The following MRPS28 variants were observed in gnomAD, a reference collection of about 807,000 sequenced individuals.
MRPS28 encodes the protein mitochondrial ribosomal protein S28.
A neutral mutation model predicts 10.8 loss-of-function variants in MRPS28; 7 were observed. The observed-to-expected ratio is 0.65, with a 90% CI of 0.37 to 1.22. MRPS28 has a LOEUF of 1.22. MRPS28 is among the 50% of genes most tolerant of loss of function. MRPS28 has a pLI of 0.02. For missense variants in MRPS28, 265 were observed against 232.9 expected (o/e 1.14, Z -0.90); for synonymous variants, 121 against 93.3 (o/e 1.30, Z -1.71).
At chr8:79,925,327 C>T (rs936262804) in intron 2 of MRPS28, among the ~76,000 whole-genome samples, 1 of 151,920 alleles carries the variant, frequency 6.6e-6, no homozygotes, top group Non-Finnish European at 1.5e-5. Flanking sequence ...ATAACTGGCC[C>T]GTTGGAAATC....
At chr8:79,941,556 A>T (rs1204787043) in intron 2 of MRPS28, among the ~76,000 whole-genome samples, 1 of 152,204 alleles carries the variant, frequency 6.6e-6, no homozygotes, top group Non-Finnish European at 1.5e-5. Context: ...GGTCTCTGAG[A>T]AGTCACATAG....
At chr8:79,938,310 A>T (rs1806663483) in intron 2 of MRPS28, among the ~76,000 whole-genome samples, 1 of 152,050 alleles carries the variant, frequency 6.6e-6, no homozygotes, top group African/African-American at 2.4e-5. Flanking sequence ...CACACAAACA[A>T]CTTTAGAAGA....
intron 2 of MRPS28, among the ~76,000 whole-genome samples, chr8:79,994,382 A>C (rs1489311866): frequency 6.6e-6 from 1 of 152,122 alleles, no homozygotes; most frequent in East Asian, 1.9e-4. Context: ...GGGCATTTTA[A>C]TTTTTGTTTT....
intron 2 of MRPS28, among the ~76,000 whole-genome samples, chr8:79,962,070 AT>A (rs1586061443): frequency 1.3e-5 from 2 of 152,154 alleles, no homozygotes; most frequent in Non-Finnish European, 2.9e-5. Context: ...TTAATACTTA[AT>A]TTTTTATCTT....
chr8:79,972,243 G>C (rs1807653284), intron 2 of MRPS28, among the ~76,000 whole-genome samples: 1 of 152,168 alleles, frequency 6.6e-6, no homozygotes, highest in Admixed American at 6.5e-5. Flanking sequence ...GTATACAGGA[G>C]AATGTGTGTA....
intron 2 of MRPS28, among the ~76,000 whole-genome samples, chr8:79,929,023 G>A (rs1166729300): frequency 6.6e-6 from 1 of 152,120 alleles, no homozygotes; most frequent in Non-Finnish European, 1.5e-5. Flanking sequence ...TCCAGCCTGA[G>A]TAACAAAGCG....
chr8:79,958,288 A>G (rs1807280913), intron 2 of MRPS28: 6 of 657,672 alleles, frequency 9.1e-6, no homozygotes, highest in Non-Finnish European at 1.6e-5. Flanking sequence ...GGCTTCTTTC[A>G]TTTGGCATAA....
rs75373972 is a variant in MRPS28, at chr8:79,945,472, A to G, written c.396-26324T>C. Among the ~76,000 whole-genome samples the G allele has an allele frequency of 1.4e-3, 220 of 152,326 alleles. 3 individuals carry two copies. Among genetic ancestry groups the G allele is most frequent in the African/African-American group, 5.0e-3 (207 of 41,578 alleles). On this transcript the variant is annotated intron_variant, in intron 2 of 2. Coordinates refer to ENST00000276585, the MANE Select transcript of MRPS28 (RefSeq NM_014018.3). ...CTGGCTTTACATCCAGAAGAAAGAG[A>G]TTAGACCCCCATAGCAAACCAAACG...
chr8:79,946,190 T>C (rs1806912185), intron 2 of MRPS28, among the ~76,000 whole-genome samples: 1 of 152,124 alleles, frequency 6.6e-6, no homozygotes, highest in South Asian at 2.1e-4. Flanking sequence ...ATCCCCAATG[T>C]CACTGCCCAA....
intron 2 of MRPS28, among the ~76,000 whole-genome samples, chr8:79,978,487 C>T (rs1026853960): frequency 1.3e-5 from 2 of 152,150 alleles, no homozygotes; most frequent in Non-Finnish European, 2.9e-5. Flanking sequence ...CTACTGTGTA[C>T]TAGCTCACGA....
intron 1 of MRPS28, among the ~76,000 whole-genome samples, chr8:80,004,376 G>C (rs1473191591): frequency 3.3e-5 from 5 of 152,184 alleles, no homozygotes; most frequent in East Asian, 1.9e-4. Flanking sequence ...AGGCAAACAG[G>C]GTCTGGAGTG....
intron 2 of MRPS28, among the ~76,000 whole-genome samples, chr8:79,928,200 G>A (rs1806351645): frequency 6.6e-6 from 1 of 151,746 alleles, no homozygotes; most frequent in African/African-American, 2.4e-5. Flanking sequence ...GTGTGGTGGT[G>A]AGTGCCTGTA....
chr8:80,018,957 T>A (rs1457660194), intron 1 of MRPS28, among the ~76,000 whole-genome samples: 2 of 152,120 alleles, frequency 1.3e-5, no homozygotes. Context: ...ATTGAACTCA[T>A]GGAGACAGAG....
chr8:79,983,538 C>A (rs140164066), intron 2 of MRPS28, among the ~76,000 whole-genome samples: 9,022 of 152,104 alleles, frequency 0.059, 732 homozygotes, highest in African/African-American at 0.18. Context: ...AAAATTTAGA[C>A]GAATGTATAA....
At chr8:79,979,298 C>T (rs1807887124) in intron 2 of MRPS28, among the ~76,000 whole-genome samples, 1 of 152,094 alleles carries the variant, frequency 6.6e-6, no homozygotes, top group Non-Finnish European at 1.5e-5. Context: ...GCAGAACCCA[C>T]TGGCTAGGTG....
intron 1 of MRPS28, among the ~76,000 whole-genome samples, chr8:80,003,521 C>T (rs1808724843): frequency 1.3e-5 from 2 of 152,108 alleles, no homozygotes; most frequent in African/African-American, 4.8e-5. Context: ...ATTAGGGGTT[C>T]CAAGATGGCC....
At chr8:80,009,182 A>T (rs1586094117) in intron 1 of MRPS28, among the ~76,000 whole-genome samples, 2 of 152,306 alleles carry the variant, frequency 1.3e-5, no homozygotes, top group East Asian at 3.9e-4. Flanking sequence ...AGGACAAAAA[A>T]ACCAAACACC....
At chr8:79,996,723 G>T (rs1478175576) in intron 2 of MRPS28, among the ~76,000 whole-genome samples, 2 of 152,174 alleles carry the variant, frequency 1.3e-5, no homozygotes, top group Non-Finnish European at 2.9e-5. Flanking sequence ...GACTACCTAT[G>T]ATTTTTTAAC....
At chr8:79,923,370 A>G (rs144711015) in intron 2 of MRPS28, among the ~76,000 whole-genome samples, 1 of 152,248 alleles carries the variant, frequency 6.6e-6, no homozygotes, top group African/African-American at 2.4e-5. Context: ...AGTGGTAAGA[A>G]TTTATCACTC....
Sources: gnomAD v4.1 joint callset for allele counts (sites outside exome capture counted in the v4.1 genomes callset) on GRCh38, gnomAD v4.1.1 for gene constraint, MANE v1.5 for transcripts, NCBI Gene and HGNC (gene_info 2026-07-23, HGNC 2026-07-21) for gene names.